SAMD3: variants seen among roughly 807,000 people sequenced by gnomAD.
The protein encoded by SAMD3 is sterile alpha motif domain containing 3, also known as sterile alpha motif domain-containing protein 3.
SAMD3 carries 63 observed loss-of-function variants against 58.5 expected under a neutral mutation model. The observed-to-expected ratio is 1.08, with a 90% CI of 0.88 to 1.33. The LOEUF is 1.33. Ranked by LOEUF, SAMD3 falls within the 40% of genes most tolerant of loss-of-function variation. The pLI is 0.00. For synonymous variants in SAMD3, 220 were observed against 210.3 expected (o/e 1.05, Z -0.40); for missense variants, 604 against 608.4 (o/e 0.99, Z 0.08).
At chr6:130,223,702 G>A (rs1246267060), upstream of SAMD3, among the ~76,000 whole-genome samples, 7 of 152,248 alleles carry the variant, frequency 4.6e-5, 1 homozygote, top group Middle Eastern at 6.8e-3. Flanking sequence ...GGTGTGACTC[G>A]CTTCTTCAGT....
chr6:130,309,510 G>A (rs1026086260), intron 2 of SAMD3, among the ~76,000 whole-genome samples: 7 of 152,150 alleles, frequency 4.6e-5, no homozygotes, highest in African/African-American at 1.7e-4. Context: ...CAATGCTAGT[G>A]CTTTTAAAAT....
Position 130,305,233 on chromosome 6 carries a change from A to G in SAMD3, c.-188+7745T>C, listed in dbSNP as rs150179549. Among the ~76,000 whole-genome samples the G allele has an allele frequency of 2.0e-3, 303 of 152,232 alleles. 4 individuals are homozygous for G. Among genetic ancestry groups the G allele is most frequent in the East Asian group, 0.016 (84 of 5,180 alleles). On this transcript the variant is annotated intron_variant, in intron 2 of 13. Transcript: ENST00000368134. Reference sequence around the variant, plus strand: ...TACATTTTCTATTTGTTGCTGGTATATAGAAATGAAGTAGATTTATTTACA... The same window carrying G: ...TACATTTTCTATTTGTTGCTGGTATGTAGAAATGAAGTAGATTTATTTACA...
intron 2 of SAMD3, among the ~76,000 whole-genome samples, chr6:130,272,755 G>T (rs1044956431): frequency 3.9e-5 from 6 of 152,046 alleles, no homozygotes; most frequent in Admixed American, 1.3e-4. Flanking sequence ...TGTTGCCCAG[G>T]CTGGTCTCAA....
At chr6:130,357,116 AT>A (rs1777853970) in intron 1 of SAMD3, among the ~76,000 whole-genome samples, 1 of 136,996 alleles carries the variant, frequency 7.3e-6, no homozygotes, top group Admixed American at 7.6e-5. Context: ...CTGCCATGGC[AT>A]CTTTTTTTTT....
intron 2 of SAMD3, among the ~76,000 whole-genome samples, chr6:130,302,794 C>T (rs979624719): frequency 2.0e-5 from 3 of 152,106 alleles, no homozygotes; most frequent in African/African-American, 7.2e-5. Context: ...TAGATGCAGC[C>T]AGAGGCCTAA....
At chr6:130,346,823 AC>A (rs1046050347) in intron 1 of SAMD3, among the ~76,000 whole-genome samples, 8 of 151,744 alleles carry the variant, frequency 5.3e-5, no homozygotes, top group Non-Finnish European at 1.0e-4. Flanking sequence ...ACTGGGAGGC[AC>A]CCCCCCAGTA....
At chr6:130,264,690 A>T (rs1430549877) in intron 2 of SAMD3, among the ~76,000 whole-genome samples, 1 of 152,240 alleles carries the variant, frequency 6.6e-6, no homozygotes, top group Non-Finnish European at 1.5e-5. Context: ...TACAGGATTT[A>T]AGTCAATATT....
intron 1 of SAMD3, among the ~76,000 whole-genome samples, chr6:130,318,686 C>T (rs6933631): frequency 0.41 from 62,815 of 151,826 alleles, 14,260 homozygotes; most frequent in African/African-American, 0.6. Flanking sequence ...ACCTTGTCCT[C>T]CCAAAGTGCT....
intron 1 of SAMD3, among the ~76,000 whole-genome samples, chr6:130,335,829 C>A (rs931598593): frequency 2.0e-5 from 3 of 151,950 alleles, no homozygotes; most frequent in African/African-American, 7.3e-5. Context: ...GAATACTATG[C>A]AGCCATAAAA....
In SAMD3 at chr6:130,350,454, A is replaced by G. The variant is rs759243523; in HGVS notation, c.-304+14666T>C. Among the ~76,000 whole-genome samples, 137 of 152,274 alleles carry G rather than the reference A, an allele frequency of 9.0e-4. 1 individual carries two copies. Among genetic ancestry groups the G allele is most frequent in the Non-Finnish European group, 1.8e-3 (120 of 68,010 alleles). On this transcript the variant is annotated intron_variant, in intron 1 of 13. Transcript: ENST00000368134. Reference sequence around the variant, plus strand: ...CAGACAAACAGAGAGCCAAATCATGAGTGAACTCCCATTCACAATTGCTTC... The same window carrying G: ...CAGACAAACAGAGAGCCAAATCATGGGTGAACTCCCATTCACAATTGCTTC...
chr6:130,359,718 C>T (rs1399180291), intron 1 of SAMD3, among the ~76,000 whole-genome samples: 1 of 152,126 alleles, frequency 6.6e-6, no homozygotes, highest in East Asian at 1.9e-4. Flanking sequence ...GAATATAATG[C>T]CCAATACATT....
chr6:130,228,126 C>A (rs889104544), intron 2 of SAMD3, among the ~76,000 whole-genome samples: 7 of 152,282 alleles, frequency 4.6e-5, no homozygotes, highest in East Asian at 1.9e-4. Context: ...TCCTTGTATT[C>A]CCTGTGCTGA....
chr6:130,231,458 G>A (rs1360193152), intron 2 of SAMD3, among the ~76,000 whole-genome samples: 1 of 152,168 alleles, frequency 6.6e-6, no homozygotes, highest in Non-Finnish European at 1.5e-5. Flanking sequence ...CAGCTACTGG[G>A]GAGGCTGAGG....
chr6:130,189,771 C>G (rs1793358509), intron 5 of SAMD3, among the ~76,000 whole-genome samples: 1 of 152,124 alleles, frequency 6.6e-6, no homozygotes, highest in South Asian at 2.1e-4. Flanking sequence ...GAAACATTAA[C>G]CATAAACATT....
intron 8 of SAMD3, among the ~76,000 whole-genome samples, chr6:130,159,265 G>A (rs986904287): frequency 6.6e-6 from 1 of 152,168 alleles, no homozygotes; most frequent in African/African-American, 2.4e-5. Context: ...CTGTTTGCCT[G>A]TTGCCATCCA....
chr6:130,264,257 T>C (rs1774254783), intron 2 of SAMD3, among the ~76,000 whole-genome samples: 1 of 152,194 alleles, frequency 6.6e-6, no homozygotes, highest in African/African-American at 2.4e-5. Flanking sequence ...TCCCGAAGTC[T>C]GGCACCCTGC....
chr6:130,194,217 A>C (rs1053311624), intron 5 of SAMD3, among the ~76,000 whole-genome samples: 5 of 152,080 alleles, frequency 3.3e-5, no homozygotes, highest in Admixed American at 3.3e-4. Context: ...CTTTTTCTTT[A>C]TCCGACCTCT....
chr6:130,228,305 G>A (rs1796440960), intron 2 of SAMD3, among the ~76,000 whole-genome samples: 1 of 152,180 alleles, frequency 6.6e-6, no homozygotes, highest in Non-Finnish European at 1.5e-5. Flanking sequence ...GGTGTCCAGA[G>A]GCTTCAAGCA....
intron 1 of SAMD3, among the ~76,000 whole-genome samples, chr6:130,332,086 A>G (rs1404038954): frequency 5.3e-5 from 8 of 152,190 alleles, no homozygotes; most frequent in Admixed American, 5.2e-4. Context: ...TGATGGTTGA[A>G]TTAGGATGGT....
Sources: allele counts gnomAD v4.1 joint callset (sites outside exome capture counted in the v4.1 genomes callset), GRCh38; gene constraint gnomAD v4.1.1; transcripts MANE v1.5; gene names NCBI Gene and HGNC (gene_info 2026-07-23, HGNC 2026-07-21).